VGLL1: variants seen among roughly 807,000 people sequenced by gnomAD.
The protein encoded by VGLL1 is transcription cofactor vestigial-like protein 1.
A neutral mutation model predicts 12.0 loss-of-function variants in VGLL1; 4 were observed. The observed-to-expected ratio is 0.33, with a 90% CI of 0.16 to 0.76. VGLL1 has a LOEUF of 0.76. Among genes scored for constraint, VGLL1 ranks in the 30% least tolerant of loss-of-function variants. VGLL1 has a pLI of 0.60. For missense variants in VGLL1, 204 were observed against 208.7 expected, an observed-to-expected ratio of 0.98 and a Z score of 0.14; for synonymous variants, 87 against 81.2, an observed-to-expected ratio of 1.07 and a Z score of -0.39.
intron 1 of VGLL1, among the ~76,000 whole-genome samples, chrX:136,535,197 TTAGGG>T (rs1464353166): frequency 2.1e-4 from 23 of 111,413 alleles, no homozygotes; most frequent in Non-Finnish European, 3.8e-4. Context: ...GAACCCAAGT[TTAGGG>T]CAGTTCAATA....
In VGLL1 at chrX:136,546,317, C is replaced by G. The variant is rs979573815; in HGVS notation, c.215-2272C>G. The stretch of plus-strand genomic sequence containing the variant: ...GGAGTGGCTGCTGGAGCAGTTGGCC[C>G]AAGAGGCCTGAAAAAGAGAGGCCCA... On this transcript the variant is annotated intron_variant, in intron 2 of 4. Coordinates refer to ENST00000370634, the MANE Select transcript of VGLL1 (RefSeq NM_016267.4). 1.2e-3 allele frequency among the ~76,000 whole-genome samples: 137 copies of G among 111,721 alleles called. 1 individual carries two copies. Among genetic ancestry groups the G allele is most frequent in the Non-Finnish European group, 2.3e-4 (12 of 53,094 alleles).
At chrX:136,552,045 A>T (rs1264368089) in intron 4 of VGLL1, among the ~76,000 whole-genome samples, 1 of 111,900 alleles carries the variant, frequency 8.9e-6, no homozygotes, top group Non-Finnish European at 1.9e-5. Flanking sequence ...TGTCAACCCC[A>T]TGAGGACTGA....
In VGLL1 at chrX:136,556,452, T is replaced by A; in HGVS notation, c.690T>A (p.Thr230=). 8.3e-7 allele frequency: 1 copy of A among 1,209,555 alleles called. No individual in the cohort carries two copies. ...GSASTSLPNE[T]LSELETPGKY... is the part of the protein sequence containing the mutation. ...TTAACCATGTAACTTCTCCTTTAGC[T>A]CTTTCAGAGTTAGAGACACCTGGGA... Residue 230 remains threonine, a splice_region_variant and synonymous_variant, in exon 5 of 5, where the codon ACT becomes ACA. Coordinates refer to ENST00000370634, the MANE Select transcript of VGLL1 (RefSeq NM_016267.4).
At chrX:136,533,452 C>T (rs2075831593) in intron 1 of VGLL1, among the ~76,000 whole-genome samples, 1 of 111,623 alleles carries the variant, frequency 9.0e-6, no homozygotes, top group African/African-American at 3.3e-5. Flanking sequence ...TAGGCACATG[C>T]TTCAGGGCCC....
In VGLL1 at chrX:136,536,471, G is replaced by A. The variant is rs762076985; in HGVS notation, c.214+237G>A. 2.7e-5 allele frequency among the ~76,000 whole-genome samples: 3 copies of A among 111,371 alleles called. No homozygotes were observed. In the South Asian group the frequency reaches 1.1e-3, roughly 42 times the overall value. ...TCCAGAAACTGGCTTCCTTCTGTCCGTCATGTTCGCTTTGATTTCTTCCTG... is the reference window on the plus strand; with the variant it reads ...TCCAGAAACTGGCTTCCTTCTGTCCATCATGTTCGCTTTGATTTCTTCCTG... On this transcript the variant is annotated intron_variant, in intron 2 of 4. Coordinates refer to ENST00000370634, the MANE Select transcript of VGLL1 (RefSeq NM_016267.4).
rs1316148081 is a variant in VGLL1, at chrX:136,556,568, G to T, written c.*29G>T. 1 of 1,159,939 alleles carries T rather than the reference G, an allele frequency of 8.6e-7. No homozygotes were observed. Among genetic ancestry groups the T allele is most frequent in the Admixed American group, 2.2e-5 (1 of 45,811 alleles). On this transcript the variant is annotated 3_prime_UTR_variant, in exon 5 of 5. Transcript: ENST00000370634. ...AGTTGGAGGAGAAAGACAACACTTGGTCTAAGACACGGCAGCAAGACATCC... is the reference window on the plus strand; with the variant it reads ...AGTTGGAGGAGAAAGACAACACTTGTTCTAAGACACGGCAGCAAGACATCC...
chrX:136,544,871 T>A (rs1483922518), intron 2 of VGLL1, among the ~76,000 whole-genome samples: 1 of 111,859 alleles, frequency 8.9e-6, no homozygotes, highest in Admixed American at 9.4e-5. Flanking sequence ...CTCAGTCCTT[T>A]CTGCCCCTCC....
At chrX:136,537,385 A>T (rs2075842979) in intron 2 of VGLL1, among the ~76,000 whole-genome samples, 1 of 111,387 alleles carries the variant, frequency 9.0e-6, no homozygotes. Flanking sequence ...AAGAAAAAAA[A>T]AAAGTAAAGC....
At chrX:136,538,651 C>T (rs914041713) in intron 2 of VGLL1, among the ~76,000 whole-genome samples, 4 of 112,750 alleles carry the variant, frequency 3.5e-5, no homozygotes, top group African/African-American at 6.4e-5. Flanking sequence ...ACAAGTGGGG[C>T]CTCTGCCTCC....
intron 1 of VGLL1, among the ~76,000 whole-genome samples, chrX:136,532,647 TTCTTTCTTTCTTTCTTTTTC>T (rs2075828019): frequency 2.7e-5 from 2 of 74,476 alleles, no homozygotes; most frequent in East Asian, 3.9e-4. Flanking sequence ...CTTTCTTTCT[TTCTTTCTTTCTTTCTTTTTC>T]TTTCTTTCTT....
Position 136,548,814 on chromosome X carries a change from C to G in VGLL1, c.440C>G (p.Ser147Cys), listed in dbSNP as rs1353438068. Residue 147 changes from serine to cysteine, a missense_variant, in exon 3 of 5, where the codon TCT (serine) becomes TGT (cysteine). Physicochemically the swap from Ser to Cys is moderately radical, Grantham distance 112. Transcript: ENST00000370634. Reference protein sequence around the residue: ...AGTSSLEPGYSHPFPARHLVP... With the variant: ...AGTSSLEPGYCHPFPARHLVP... ...ACCAGCTCCTTAGAGCCTGGCTACT[C>G]TCATCCCTTCCCCGCTCGGCACCTG... The G allele has an allele frequency of 9.1e-6, 11 of 1,212,208 alleles. No individual in the cohort carries two copies. Among genetic ancestry groups the G allele is most frequent in the Non-Finnish European group, 1.1e-5 (10 of 895,662 alleles).
chrX:136,542,646 A>G (rs181012496), intron 2 of VGLL1, among the ~76,000 whole-genome samples: 2 of 112,396 alleles, frequency 1.8e-5, no homozygotes, highest in Admixed American at 9.4e-5. Context: ...CTATTTTGCA[A>G]TGGATATTAT....
intron 2 of VGLL1, among the ~76,000 whole-genome samples, chrX:136,538,287 T>C (rs1321881500): frequency 8.9e-6 from 1 of 112,578 alleles, no homozygotes; most frequent in African/African-American, 3.2e-5. Context: ...AGTTACATTT[T>C]ATGACTGCAT....
At position 136,535,064 on chromosome X, in the gene VGLL1, T is replaced by C. The variant is rs769433003; in HGVS notation, c.-25-932T>C. 3.6e-5 allele frequency among the ~76,000 whole-genome samples: 4 copies of C among 111,894 alleles called. No homozygotes were observed. In the South Asian group the frequency reaches 1.1e-3, roughly 32 times the overall value. On this transcript the variant is annotated intron_variant, in intron 1 of 4. Coordinates refer to ENST00000370634, the MANE Select transcript of VGLL1 (RefSeq NM_016267.4). ...GAAGCATCCTGACAGGCTACTTCCC[T>C]AGTAAAGGAAGGCCACAGCATGTCT...
rs1017944774 is a variant in VGLL1, at chrX:136,556,679, C to T, written c.*140C>T. 4.0e-6 allele frequency: 2 copies of T among 505,999 alleles called. No homozygotes were observed. Among genetic ancestry groups the T allele is most frequent in the Non-Finnish European group, 6.6e-6 (2 of 304,419 alleles). The allele number at this position is 505,999 out of a possible 1,213,427, so 41.7% of individuals were successfully genotyped here. Reference sequence around the variant, plus strand: ...TAAACAGCTTCGTGTCTAGTATGAGCTCAGTACTTGCCCTGTGAAAATCCC... The same window carrying T: ...TAAACAGCTTCGTGTCTAGTATGAGTTCAGTACTTGCCCTGTGAAAATCCC... On this transcript the variant is annotated 3_prime_UTR_variant, in exon 5 of 5. Coordinates refer to ENST00000370634, the MANE Select transcript of VGLL1 (RefSeq NM_016267.4).
intron 1 of VGLL1, among the ~76,000 whole-genome samples, chrX:136,532,650 T>G: frequency 1.5e-5 from 1 of 66,162 alleles, no homozygotes; most frequent in Non-Finnish European, 3.0e-5. Context: ...TCTTTCTTTC[T>G]TTCTTTCTTT....
chrX:136,532,621 CTTT>C (rs2075826951), intron 1 of VGLL1, among the ~76,000 whole-genome samples: 1 of 92,490 alleles, frequency 1.1e-5, no homozygotes, highest in Non-Finnish European at 2.1e-5. Flanking sequence ...TTCTTTCTTT[CTTT>C]CTTTCTTTCT....
At chrX:136,532,641 CTTTCTTTCTTTCTTTCTTTCT>C (rs1363516148) in intron 1 of VGLL1, among the ~76,000 whole-genome samples, 64 of 88,456 alleles carry the variant, frequency 7.2e-4, no homozygotes, top group East Asian at 1.7e-3. Context: ...TTCTTTCTTT[CTTTCTTTCTTTCTTTCTTTCT>C]TTTTCTTTCT....
At chrX:136,544,200 T>A (rs1040429864) in intron 2 of VGLL1, among the ~76,000 whole-genome samples, 2 of 112,324 alleles carry the variant, frequency 1.8e-5, no homozygotes, top group African/African-American at 6.5e-5. Flanking sequence ...TTTATAGATG[T>A]ACCAAATTTA....
Sources: allele counts gnomAD v4.1 joint callset (sites outside exome capture counted in the v4.1 genomes callset), GRCh38; gene constraint gnomAD v4.1.1; transcripts MANE v1.5; gene names NCBI Gene and HGNC (gene_info 2026-07-23, HGNC 2026-07-21).